Variants in ZNF469 observed in about 807,000 individuals in gnomAD.
The protein encoded by ZNF469 is zinc finger protein 469.
Under a neutral mutation model 1.0 loss-of-function variants are expected in ZNF469, and 1 was observed. The observed-to-expected ratio is 1.00, with a 90% confidence interval of 0.35 to 4.73. ZNF469 has a LOEUF of 4.73. Ranked by LOEUF, ZNF469 falls within the 30% of genes most tolerant of loss-of-function variation. ZNF469 has a pLI of 0.16. For missense variants in ZNF469, 6,100 were observed against 5,356.3 expected, an observed-to-expected ratio of 1.14 and a Z score of -4.33; for synonymous variants, 2,703 against 2,363.4, an observed-to-expected ratio of 1.14 and a Z score of -4.17.
the ZNF469 span, among the ~76,000 whole-genome samples, chr16:88,237,797 G>T: frequency 0.051 from 7,493 of 147,748 alleles, 791 homozygotes; most frequent in African/African-American, 0.18. Flanking sequence ...CCTTGCTCCC[G>T]CCACTCACCC....
At chr16:88,338,271 A>G in the ZNF469 span, among the ~76,000 whole-genome samples, 1 of 144,700 alleles carries the variant, frequency 6.9e-6, no homozygotes, top group African/African-American at 2.8e-5. Flanking sequence ...ACTGTAGTGC[A>G]GTACCCAGCG....
chr16:88,397,239 G>C (rs116478276), intron 1 of ZNF469, among the ~76,000 whole-genome samples: 2 of 152,254 alleles, frequency 1.3e-5, no homozygotes, highest in Non-Finnish European at 2.9e-5. Flanking sequence ...GGCGGACCCG[G>C]TGCCCACCCT....
the ZNF469 span, among the ~76,000 whole-genome samples, chr16:88,197,075 T>A: frequency 6.6e-6 from 1 of 152,228 alleles, no homozygotes; most frequent in Non-Finnish European, 1.5e-5. Flanking sequence ...CAGGGATGCT[T>A]CTGGCTGGCG....
chr16:88,279,336 T>C, the ZNF469 span, among the ~76,000 whole-genome samples: 140 of 151,432 alleles, frequency 9.2e-4, no homozygotes, highest in Non-Finnish European at 8.5e-4. Context: ...CTTGTAGATA[T>C]CAGTGCACGG....
Position 88,437,175 on chromosome 16 carries a change from G to T in ZNF469, c.9705G>T (p.Ala3235=). The T allele has an allele frequency of 4.5e-6, 7 of 1,549,450 alleles. No homozygotes were observed. The highest frequency in any genetic ancestry group is 5.2e-6 in the Non-Finnish European group (6 of 1,146,586). The change falls in exon 3 of 3, where the codon GCG becomes GCT. Residue 3235 remains alanine, a synonymous_variant. Coordinates refer to ENST00000565624, the MANE Select transcript of ZNF469 (RefSeq NM_001367624.2). ...AHLLNSITEP[A]PKHHRGKRSA... ...TTCTGAACAGCATCACGGAACCCGC[G>T]CCCAAACACCACAGGGGCAAGCGCT...
the ZNF469 span, among the ~76,000 whole-genome samples, chr16:88,218,109 T>G: frequency 6.8e-6 from 1 of 147,828 alleles, no homozygotes; most frequent in Admixed American, 6.8e-5. Context: ...ACCTATTGTT[T>G]CCTGACTTTT....
the ZNF469 span, among the ~76,000 whole-genome samples, chr16:88,298,211 C>T: frequency 5.3e-5 from 8 of 152,188 alleles, no homozygotes; most frequent in Admixed American, 1.3e-4. Context: ...CTTTCATCAG[C>T]GGCTTTGGAG....
the ZNF469 span, among the ~76,000 whole-genome samples, chr16:88,377,412 G>A: frequency 1.3e-5 from 2 of 152,210 alleles, no homozygotes; most frequent in Admixed American, 6.5e-5. Context: ...CGGTGTGTAT[G>A]GCCTGCAGTG....
chr16:88,377,127 G>T, the ZNF469 span, among the ~76,000 whole-genome samples: 1 of 152,258 alleles, frequency 6.6e-6, no homozygotes, highest in African/African-American at 2.4e-5. Context: ...CACCACTCCT[G>T]TGTCTTCTGC....
the ZNF469 span, among the ~76,000 whole-genome samples, chr16:88,259,302 G>A: frequency 1.3e-4 from 19 of 151,140 alleles, no homozygotes; most frequent in Admixed American, 3.9e-4. This position sits in a 1 kb window ranked among gnomAD's most constrained non-coding sequence, Gnocchi z 4.1. Flanking sequence ...GGTCAGGAAG[G>A]GTCGACGCCC....
chr16:88,286,194 G>A, the ZNF469 span, among the ~76,000 whole-genome samples: 1 of 152,194 alleles, frequency 6.6e-6, no homozygotes, highest in Middle Eastern at 3.2e-3. Context: ...AAAGTCACAG[G>A]TCCCTCCAGT....
At chr16:88,358,297 A>G in the ZNF469 span, among the ~76,000 whole-genome samples, 1 of 152,146 alleles carries the variant, frequency 6.6e-6, no homozygotes, top group Admixed American at 6.5e-5. Context: ...GAAGGTCCAC[A>G]CCCGGGGGAG....
At position 88,439,571 on chromosome 16, in the gene ZNF469, A is replaced by G. The variant is rs1906859365; in HGVS notation, c.*239A>G. 1.8e-6 allele frequency: 1 copy of G among 564,634 alleles called. No homozygotes were observed. Among genetic ancestry groups the G allele is most frequent in the South Asian group, 2.0e-5 (1 of 49,524 alleles). 35.0% of individuals were successfully genotyped at this position (564,634 alleles called of 1,614,324 possible). A position where few individuals can be genotyped will look rare whatever the true frequency, so the allele number is the denominator to read the frequency against. ...ACGGGGCCACTGCAGCCCTTTTGAGACCACACAGCTGTTTTCTTGGTACCA... is the reference window on the plus strand; with the variant it reads ...ACGGGGCCACTGCAGCCCTTTTGAGGCCACACAGCTGTTTTCTTGGTACCA... On this transcript the variant is annotated 3_prime_UTR_variant, in exon 3 of 3. Transcript: ENST00000565624.
the ZNF469 span, among the ~76,000 whole-genome samples, chr16:88,195,757 G>A: frequency 7.9e-5 from 12 of 152,216 alleles, no homozygotes; most frequent in African/African-American, 2.2e-4. Context: ...AGCCCAGAGC[G>A]TCAGGAAAGG....
Position 88,437,575 on chromosome 16 carries a change from C to G in ZNF469, c.10105C>G (p.Arg3369Gly). 1 of 1,536,230 alleles carries G rather than the reference C, an allele frequency of 6.5e-7. No individual in the cohort carries two copies. The highest frequency in any genetic ancestry group is 1.2e-5 in the South Asian group (1 of 83,622). ...HSPQRVYLCPRCPRVYPEHGE... is the reference protein window; with the variant it reads ...HSPQRVYLCPGCPRVYPEHGE... ...CCCGCAGCGCGTCTACCTGTGCCCC[C>G]GGTGCCCCCGGGTCTACCCCGAGCA... is the stretch of plus-strand genomic sequence containing the variant. Residue 3369 changes from arginine to glycine, a missense_variant, in exon 3 of 3, where the codon CGG (arginine) becomes GGG (glycine). Transcript: ENST00000565624.
chr16:88,302,171 G>A, the ZNF469 span, among the ~76,000 whole-genome samples: 232 of 152,280 alleles, frequency 1.5e-3, no homozygotes, highest in Non-Finnish European at 2.6e-3. Flanking sequence ...GGTAACCGAC[G>A]CCAGGGAGGA....
the ZNF469 span, among the ~76,000 whole-genome samples, chr16:88,111,022 C>T: frequency 1.3e-5 from 2 of 152,268 alleles, no homozygotes; most frequent in East Asian, 1.9e-4. Context: ...GCACTCGTGG[C>T]GCTTGCAGTC....
chr16:88,243,164 G>T, the ZNF469 span, among the ~76,000 whole-genome samples: 1 of 152,176 alleles, frequency 6.6e-6, no homozygotes, highest in Non-Finnish European at 1.5e-5. Context: ...TCCTTGGCTG[G>T]TGGCCAGCTC....
At chr16:88,104,317 C>T in the ZNF469 span, among the ~76,000 whole-genome samples, 15 of 151,494 alleles carry the variant, frequency 9.9e-5, no homozygotes, top group Non-Finnish European at 2.1e-4. Context: ...GTTCACCCAT[C>T]AAAGTGCAAT....
Sources: gnomAD v4.1 joint callset for allele counts (sites outside exome capture counted in the v4.1 genomes callset) on GRCh38, gnomAD v4.1.1 for gene constraint, Gnocchi (gnomAD v3.1) non-coding constraint, MANE v1.5 for transcripts, NCBI Gene and HGNC (gene_info 2026-07-23, HGNC 2026-07-21) for gene names.